The following KDM4C variants were observed in gnomAD, a reference collection of about 807,000 sequenced individuals.
The protein encoded by KDM4C is lysine demethylase 4C, also known as lysine-specific demethylase 4C.
Under a neutral mutation model 129.3 loss-of-function variants are expected in KDM4C, and 81 were observed. The observed-to-expected ratio is 0.63, with a 90% CI of 0.52 to 0.75. The LOEUF (loss-of-function observed/expected upper bound fraction) is 0.75. Ranked by LOEUF, KDM4C falls within the 30% of genes least tolerant of loss-of-function variation. The pLI, the probability that KDM4C is intolerant of heterozygous loss-of-function variation, is 0.00. For missense variants in KDM4C, 1,457 were observed against 1,304.0 expected, an observed-to-expected ratio of 1.12 and a Z score of -1.81; for synonymous variants, 573 against 456.1, an observed-to-expected ratio of 1.26 and a Z score of -3.26.
At chr9:6,902,050 G>A (rs530210536) in intron 8 of KDM4C, among the ~76,000 whole-genome samples, 1 of 152,152 alleles carries the variant, frequency 6.6e-6, no homozygotes, top group African/African-American at 2.4e-5. Context: ...TGGGTTTTTA[G>A]GGAGTTAAAT....
chr9:6,741,302 G>C (rs1817684599), intron 1 of KDM4C, among the ~76,000 whole-genome samples: 1 of 152,042 alleles, frequency 6.6e-6, no homozygotes, highest in Non-Finnish European at 1.5e-5. Context: ...GGCTGAGGCA[G>C]CAGAATCGCT....
chr9:6,765,844 A>C (rs1222157703), intron 1 of KDM4C, among the ~76,000 whole-genome samples: 6 of 152,062 alleles, frequency 3.9e-5, no homozygotes, highest in Non-Finnish European at 5.9e-5. Context: ...GCTGGAGTGC[A>C]GTGGTGTGAT....
intron 5 of KDM4C, among the ~76,000 whole-genome samples, chr9:6,852,725 A>G (rs1024593780): frequency 1.3e-5 from 2 of 150,418 alleles, no homozygotes; most frequent in Admixed American, 1.3e-4. Flanking sequence ...TTTCAAGTCT[A>G]CTCCTTCCTC....
At position 7,014,008 on chromosome 9, in the gene KDM4C, G is replaced by A. The variant is rs543868676; in HGVS notation, c.2182+7G>A. 7 of 1,605,522 alleles carry A rather than the reference G, an allele frequency of 4.4e-6. No homozygotes were observed. The African/African-American group carries it at 9.4e-5, about 22-fold the overall frequency. The stretch of plus-strand genomic sequence containing the variant: ...TGCGTACGGGTTCATGCAAGTAAAT[G>A]GATCTATAATTCATCAATCACTGGC... On this transcript the variant is annotated splice_region_variant and intron_variant, in intron 14 of 21. Transcript: ENST00000381309.
rs1428003084 is a variant in KDM4C at position 6,729,239 on chromosome 9, G to C, written c.49+8242G>C. On this transcript the variant is annotated intron_variant, in intron 1 of 17. Coordinates refer to the KDM4C transcript ENST00000536108. Reference sequence around the variant, plus strand: ...AAAAAAAAAAAAAAGAAGAAGAAAAGAAATAAATGGAAGAAACAGGGCCAG... The same window carrying C: ...AAAAAAAAAAAAAAGAAGAAGAAAACAAATAAATGGAAGAAACAGGGCCAG... Among the ~76,000 whole-genome samples the C allele has an allele frequency of 3.8e-5, 4 of 105,258 alleles. 1 individual carries two copies. Among genetic ancestry groups the C allele is most frequent in the Admixed American group, 1.1e-4 (1 of 9,160 alleles). 69.1% of individuals were successfully genotyped at this position (105,258 alleles called of 152,430 possible).
chr9:7,032,620 G>A (rs992823426), intron 15 of KDM4C, among the ~76,000 whole-genome samples: 4 of 152,160 alleles, frequency 2.6e-5, no homozygotes, highest in African/African-American at 7.2e-5. Flanking sequence ...CAGAAGCCTC[G>A]TTTTACAACT....
chr9:6,941,889 G>T (rs3818896), intron 8 of KDM4C: 60,393 of 152,024 alleles, frequency 0.4, 12,543 homozygotes, highest in East Asian at 0.71. Context: ...ATGTGTCTGT[G>T]TTTGTATCCT....
intron 15 of KDM4C, among the ~76,000 whole-genome samples, chr9:7,018,979 A>G (rs1824179003): frequency 6.6e-6 from 1 of 152,148 alleles, no homozygotes; most frequent in Non-Finnish European, 1.5e-5. Context: ...AGACCTACAT[A>G]ATTTATTTCT....
chr9:6,927,089 T>TTCCTTCTA (rs1554647150), intron 8 of KDM4C, among the ~76,000 whole-genome samples: 1 of 145,086 alleles, frequency 6.9e-6, no homozygotes, highest in South Asian at 2.2e-4. Flanking sequence ...AAAAAAAATT[T>TTCCTTCTA]TCTATCTATC....
chr9:7,174,911 C>G lies in KDM4C; in HGVS notation c.*182C>G. 1.9e-6 allele frequency: 1 copy of G among 514,984 alleles called. No individual in the cohort carries two copies. The highest frequency in any genetic ancestry group is 3.5e-6 in the Non-Finnish European group (1 of 286,358). 31.9% of individuals were successfully genotyped at this position (514,984 alleles called of 1,614,324 possible). Reference sequence around the variant, plus strand: ...TACAAAATACACCCAATGAATTGGACGCAGCAATCTGAAATCATCTCTAGT... The same window carrying G: ...TACAAAATACACCCAATGAATTGGAGGCAGCAATCTGAAATCATCTCTAGT... On this transcript the variant is annotated 3_prime_UTR_variant, in exon 22 of 22. Transcript: ENST00000381309.
upstream of KDM4C, among the ~76,000 whole-genome samples, chr9:6,757,325 A>C (rs1344877487): frequency 6.8e-6 from 1 of 146,814 alleles, no homozygotes. Flanking sequence ...CTATCTTAAG[A>C]GCACACTTGG....
chr9:6,746,560 C>T (rs1563924349), intron 1 of KDM4C, among the ~76,000 whole-genome samples: 3 of 150,772 alleles, frequency 2.0e-5, no homozygotes, highest in South Asian at 2.1e-4. Context: ...TGAGCCACCG[C>T]GCCCGGCCCA....
intron 17 of KDM4C, among the ~76,000 whole-genome samples, chr9:7,055,226 G>A (rs1830710825): frequency 6.6e-6 from 1 of 152,196 alleles, no homozygotes; most frequent in South Asian, 2.1e-4. Context: ...GGTCACAAAT[G>A]CATCCGTCCT....
intron 1 of KDM4C, among the ~76,000 whole-genome samples, chr9:6,744,656 A>G (rs1195114419): frequency 2.6e-5 from 4 of 152,306 alleles, no homozygotes; most frequent in African/African-American, 4.8e-5. Context: ...TGGCCTCCCA[A>G]TGTACTAGGA....
At chr9:6,955,458 G>T (rs1023965369) in intron 8 of KDM4C, among the ~76,000 whole-genome samples, 1 of 152,144 alleles carries the variant, frequency 6.6e-6, no homozygotes, top group Non-Finnish European at 1.5e-5. Context: ...TGAGTATAGA[G>T]GCCCCTTTTC....
At chr9:6,749,216 G>A (rs969477885) in intron 1 of KDM4C, among the ~76,000 whole-genome samples, 27 of 151,972 alleles carry the variant, frequency 1.8e-4, no homozygotes, top group African/African-American at 6.0e-4. Context: ...ATGGGGTTTC[G>A]CCATATTTGC....
rs550352407 is a variant in KDM4C, at chr9:7,166,277, C to G, written c.2901+920C>G. ...AAATTGTTCAAAGACTGATAAGGAG[C>G]AAGAGCTTAAATGGAAGAGTGCATT... is the stretch of plus-strand genomic sequence containing the variant. On this transcript the variant is annotated intron_variant, in intron 20 of 21. Coordinates refer to ENST00000381309, the MANE Select transcript of KDM4C (RefSeq NM_015061.6). Among the ~76,000 whole-genome samples, 122 of 152,290 alleles carry G rather than the reference C, an allele frequency of 8.0e-4. 2 individuals are homozygous for G. Among genetic ancestry groups the G allele is most frequent in the African/African-American group, 2.9e-3 (121 of 41,556 alleles).
intron 14 of KDM4C, among the ~76,000 whole-genome samples, chr9:7,015,045 G>A (rs1245406593): frequency 6.6e-6 from 1 of 151,902 alleles, no homozygotes; most frequent in South Asian, 2.1e-4. Context: ...GCTATGCAGT[G>A]TAGCCATACT....
intron 17 of KDM4C, among the ~76,000 whole-genome samples, chr9:7,086,871 G>T (rs1652627365): frequency 6.6e-6 from 1 of 152,118 alleles, no homozygotes; most frequent in Non-Finnish European, 1.5e-5. Flanking sequence ...AGTCTGCAGG[G>T]TCTCCTGTCC....
Sources: gnomAD v4.1 joint callset for allele counts (sites outside exome capture counted in the v4.1 genomes callset) on GRCh38, gnomAD v4.1.1 for gene constraint, MANE v1.5 for transcripts, NCBI Gene and HGNC (gene_info 2026-07-23, HGNC 2026-07-21) for gene names.